Variants in RANBP2 observed in about 807,000 individuals in gnomAD.
The protein encoded by RANBP2 is E3 SUMO-protein ligase RanBP2.
A neutral mutation model predicts 303.6 loss-of-function variants in RANBP2; 57 were observed. The ratio of observed to expected loss-of-function variants is 0.19; its 90% CI spans 0.15 to 0.23. RANBP2 has a LOEUF of 0.23. Ranked by LOEUF, RANBP2 falls within the 10% of genes least tolerant of loss-of-function variation. The pLI, the probability that RANBP2 is intolerant of heterozygous loss-of-function variation, is 1.00. For synonymous variants in RANBP2, 1,167 were observed against 1,301.5 expected (o/e 0.90, Z 2.23); for missense variants, 3,138 against 3,780.8 (o/e 0.83, Z 4.46).
chr2:108,972,724 G>A, the RANBP2 span, among the ~76,000 whole-genome samples: 4 of 152,348 alleles, frequency 2.6e-5, no homozygotes, highest in Admixed American at 2.6e-4. Context: ...CATCTGATTT[G>A]TCAGTCACAA....
chr2:109,232,360 T>C, the RANBP2 span, among the ~76,000 whole-genome samples: 2 of 152,222 alleles, frequency 1.3e-5, no homozygotes, highest in African/African-American at 2.4e-5. Flanking sequence ...TTGCTAAAAG[T>C]ATAAATATGG....
chr2:109,088,735 C>A, the RANBP2 span, among the ~76,000 whole-genome samples: 7 of 152,182 alleles, frequency 4.6e-5, no homozygotes, highest in Admixed American at 3.9e-4. Flanking sequence ...TGGTCTCGAA[C>A]TCCTGACCTC....
At chr2:109,141,252 C>A in the RANBP2 span, among the ~76,000 whole-genome samples, 1 of 152,198 alleles carries the variant, frequency 6.6e-6, no homozygotes, top group African/African-American at 2.4e-5. Flanking sequence ...TCACTCTTCC[C>A]CTCTGTGGGC....
intron 7 of RANBP2, among the ~76,000 whole-genome samples, chr2:108,742,157 C>T (rs1387360911): frequency 4.6e-5 from 7 of 151,376 alleles, no homozygotes; most frequent in East Asian, 2.0e-4. Flanking sequence ...CCACCACGCC[C>T]GTCTAATTTT....
chr2:109,593,316 C>T, the RANBP2 span, among the ~76,000 whole-genome samples: 1 of 151,380 alleles, frequency 6.6e-6, no homozygotes, highest in Non-Finnish European at 1.5e-5. Flanking sequence ...AAGTAAATTA[C>T]ATATAATATT....
the RANBP2 span, among the ~76,000 whole-genome samples, chr2:109,495,448 G>A: frequency 0.26 from 38,270 of 147,508 alleles, 5,295 homozygotes; most frequent in East Asian, 0.51. Flanking sequence ...GCCACCTACC[G>A]GCCATTTCAT....
At chr2:109,297,994 G>A in the RANBP2 span, among the ~76,000 whole-genome samples, 2 of 152,168 alleles carry the variant, frequency 1.3e-5, no homozygotes, top group African/African-American at 4.8e-5. Context: ...CCTTGGGTTT[G>A]CGCCTCAGCT....
the RANBP2 span, among the ~76,000 whole-genome samples, chr2:109,142,780 T>A: frequency 2.6e-5 from 4 of 152,196 alleles, no homozygotes; most frequent in Admixed American, 2.6e-4. Context: ...TGTTGTTGAC[T>A]GATGGAAGTG....
At chr2:108,788,771 T>G, downstream of RANBP2, 1 of 1,527,240 alleles carries the variant, frequency 6.5e-7, no homozygotes, top group Non-Finnish European at 8.8e-7. Context: ...AAAAATAGTA[T>G]TATTTAGACT....
chr2:109,522,237 A>G, the RANBP2 span, among the ~76,000 whole-genome samples: 39 of 151,942 alleles, frequency 2.6e-4, no homozygotes, highest in Admixed American at 6.6e-4. Flanking sequence ...CTGAGAAGAA[A>G]ATACCAGTGT....
At chr2:109,130,058 G>A in the RANBP2 span, 57 of 1,368,104 alleles carry the variant, frequency 4.2e-5, no homozygotes, top group South Asian at 5.1e-4. Context: ...GCCGCGGGCA[G>A]CACCGCCGGC....
the RANBP2 span, among the ~76,000 whole-genome samples, chr2:109,205,394 C>T: frequency 6.6e-6 from 1 of 151,938 alleles, no homozygotes; most frequent in Non-Finnish European, 1.5e-5. Context: ...CATCACCATG[C>T]CTAGATAATT....
chr2:108,739,909 A>G (rs1406697684), intron 6 of RANBP2, among the ~76,000 whole-genome samples: 1 of 151,916 alleles, frequency 6.6e-6, no homozygotes, highest in Admixed American at 6.6e-5. Flanking sequence ...AATCACTTGA[A>G]CCTGGGAGGT....
chr2:108,920,953 A>T, the RANBP2 span, among the ~76,000 whole-genome samples: 5 of 152,148 alleles, frequency 3.3e-5, no homozygotes, highest in Admixed American at 6.5e-5. Flanking sequence ...CAGGCAGTGA[A>T]GTTCCAGAGC....
At chr2:108,773,709 C>T (rs984165769) in intron 23 of RANBP2, among the ~76,000 whole-genome samples, 7 of 150,370 alleles carry the variant, frequency 4.7e-5, no homozygotes, top group East Asian at 2.0e-4. Flanking sequence ...TGCAGTGGGG[C>T]GATCTCTGCT....
the RANBP2 span, among the ~76,000 whole-genome samples, chr2:109,662,236 A>AT: frequency 6.6e-6 from 1 of 152,102 alleles, no homozygotes; most frequent in Non-Finnish European, 1.5e-5. Context: ...TCAGACCTGC[A>AT]TTGCAGTCTG....
the RANBP2 span, among the ~76,000 whole-genome samples, chr2:108,932,998 G>C: frequency 6.6e-6 from 1 of 152,138 alleles, no homozygotes; most frequent in African/African-American, 2.4e-5. Context: ...GAAGAGGGTG[G>C]GCAGAATCCT....
chr2:109,357,286 A>G, the RANBP2 span, among the ~76,000 whole-genome samples: 1 of 151,614 alleles, frequency 6.6e-6, no homozygotes, highest in African/African-American at 2.4e-5. Context: ...GGCTCATGCC[A>G]TTCTCCTGCC....
At chr2:109,693,556 A>C in the RANBP2 span, among the ~76,000 whole-genome samples, 2 of 152,156 alleles carry the variant, frequency 1.3e-5, no homozygotes, top group Non-Finnish European at 2.9e-5. Flanking sequence ...TGATTTTATA[A>C]GGGGTTTCCC....
Sources: gnomAD v4.1 joint callset for allele counts (sites outside exome capture counted in the v4.1 genomes callset) on GRCh38, gnomAD v4.1.1 for gene constraint, MANE v1.5 for transcripts, NCBI Gene and HGNC (gene_info 2026-07-23, HGNC 2026-07-21) for gene names.